HIVEP3: variants seen among roughly 807,000 people sequenced by gnomAD.
HIVEP3 encodes the protein HIVEP zinc finger 3.
HIVEP3 carries 49 observed loss-of-function variants against 152.8 expected under a neutral mutation model. The ratio of observed to expected loss-of-function variants is 0.32; its 90% CI spans 0.26 to 0.41. HIVEP3 has a LOEUF of 0.41. Ranked by LOEUF, HIVEP3 falls within the 10% of genes least tolerant of loss-of-function variation. The pLI, the probability that HIVEP3 is intolerant of heterozygous loss-of-function variation, is 1.00. For missense variants in HIVEP3, 2,790 were observed against 3,103.3 expected (o/e 0.90, Z 2.40); for synonymous variants, 1,269 against 1,289.0 (o/e 0.98, Z 0.33).
chr1:41,861,892 G>A (rs1643891342), intron 1 of HIVEP3, among the ~76,000 whole-genome samples: 1 of 152,208 alleles, frequency 6.6e-6, no homozygotes, highest in African/African-American at 2.4e-5. Flanking sequence ...CTTTTACAGT[G>A]TAGACCAGGC....
intron 2 of HIVEP3, among the ~76,000 whole-genome samples, chr1:41,699,280 C>T (rs926236457): frequency 1.3e-5 from 2 of 152,196 alleles, no homozygotes; most frequent in African/African-American, 2.4e-5. Context: ...ATGGTTCCAC[C>T]GCTCCTCAAA....
At chr1:41,730,593 T>C (rs1251546021) in intron 1 of HIVEP3, among the ~76,000 whole-genome samples, 1 of 152,244 alleles carries the variant, frequency 6.6e-6, no homozygotes, top group African/African-American at 2.4e-5. Context: ...CAGCAACTAA[T>C]GCACCAGGGG....
intron 1 of HIVEP3, among the ~76,000 whole-genome samples, chr1:41,932,421 G>A (rs1040634902): frequency 2.0e-5 from 3 of 151,784 alleles, no homozygotes; most frequent in South Asian, 2.1e-4. Context: ...TCTGTCCTTC[G>A]AGGAATTGAT....
At chr1:41,720,239 T>G (rs1212447247) in intron 1 of HIVEP3, among the ~76,000 whole-genome samples, 1 of 152,174 alleles carries the variant, frequency 6.6e-6, no homozygotes, top group Non-Finnish European at 1.5e-5. Context: ...CACCTCTGAG[T>G]GGGCCTCCAG....
chr1:41,545,033 C>CATCGCT (rs1643699751), intron 5 of HIVEP3, among the ~76,000 whole-genome samples: 4 of 91,112 alleles, frequency 4.4e-5, no homozygotes, highest in African/African-American at 1.4e-4. Context: ...CCACCACCAC[C>CATCGCT]ACCAATACCA....
chr1:41,740,695 G>A (rs879578012), intron 1 of HIVEP3, among the ~76,000 whole-genome samples: 8 of 152,206 alleles, frequency 5.3e-5, no homozygotes, highest in Non-Finnish European at 7.3e-5. Context: ...ACCAACGTGT[G>A]GGGGGACCCC....
chr1:41,787,131 C>A (rs1649395596), intron 1 of HIVEP3, among the ~76,000 whole-genome samples: 1 of 152,000 alleles, frequency 6.6e-6, no homozygotes. Flanking sequence ...TCCTTTAACT[C>A]AATATTCCAA....
At chr1:41,757,594 A>G (rs913449860) in intron 1 of HIVEP3, among the ~76,000 whole-genome samples, 4 of 151,938 alleles carry the variant, frequency 2.6e-5, no homozygotes, top group Non-Finnish European at 4.4e-5. Flanking sequence ...ACAACAACAA[A>G]ACCCAAAACA....
intron 3 of HIVEP3, among the ~76,000 whole-genome samples, chr1:41,589,069 C>T (rs1289304991): frequency 6.6e-6 from 1 of 152,210 alleles, no homozygotes; most frequent in African/African-American, 2.4e-5. Context: ...TTCTTTTCTA[C>T]CTTCTGTGGT....
chr1:41,756,308 G>A (rs1379891120), intron 1 of HIVEP3, among the ~76,000 whole-genome samples: 2 of 152,182 alleles, frequency 1.3e-5, no homozygotes, highest in Admixed American at 1.3e-4. Context: ...CTATAAAGAG[G>A]AGCAGTAAGA....
rs1642422714 is a variant in HIVEP3, at chr1:41,511,758, C to T, written c.6406-492G>A. Among the ~76,000 whole-genome samples the T allele has an allele frequency of 1.3e-5, 2 of 152,170 alleles. No homozygotes were observed. On this transcript the variant is annotated intron_variant, in intron 8 of 8. Coordinates refer to ENST00000372583, the MANE Select transcript of HIVEP3 (RefSeq NM_024503.5). This position sits in a 1 kb window ranked among gnomAD's most constrained non-coding sequence, Gnocchi z 4.9. ...GAAAGATTCCTAGATCAGTGTTCCTCCAGGAGTGACAGGGCTGGGTCATGG... is the reference window on the plus strand; with the variant it reads ...GAAAGATTCCTAGATCAGTGTTCCTTCAGGAGTGACAGGGCTGGGTCATGG...
At chr1:41,684,044 A>G (rs1334272048) in intron 2 of HIVEP3, among the ~76,000 whole-genome samples, 1 of 152,240 alleles carries the variant, frequency 6.6e-6, no homozygotes, top group Non-Finnish European at 1.5e-5. Context: ...CCTTTAAAAA[A>G]GACCTTTGCC....
chr1:41,546,644 A>G (rs1643810885), intron 5 of HIVEP3, among the ~76,000 whole-genome samples: 1 of 152,236 alleles, frequency 6.6e-6, no homozygotes, highest in Admixed American at 6.5e-5. Flanking sequence ...AGCCAAGACT[A>G]CAAACCTAGA....
At chr1:41,700,776 G>T in intron 2 of HIVEP3, 140 bp downstream of exon 2, 1 of 199,900 alleles carries the variant, frequency 5.0e-6, no homozygotes, top group Non-Finnish European at 9.0e-6. Flanking sequence ...TTCCTAAAGT[G>T]TCGGTAGCGT....
intron 1 of HIVEP3, among the ~76,000 whole-genome samples, chr1:41,794,904 C>T (rs1649899612): frequency 6.6e-6 from 1 of 152,140 alleles, no homozygotes; most frequent in Admixed American, 6.5e-5. Flanking sequence ...TCTCCATAAC[C>T]ATGGCACAGT....
chr1:41,945,970 G>C (rs1645072666), intron 1 of HIVEP3, among the ~76,000 whole-genome samples: 1 of 152,082 alleles, frequency 6.6e-6, no homozygotes, highest in South Asian at 2.1e-4. Context: ...TACTGAACTT[G>C]GCAACCTCAG....
At chr1:41,974,496 C>CAT (rs1211951318) in intron 1 of HIVEP3, among the ~76,000 whole-genome samples, 1 of 151,382 alleles carries the variant, frequency 6.6e-6, no homozygotes, top group Non-Finnish European at 1.5e-5. Context: ...TACACACACA[C>CAT]ACACACACAC....
At chr1:41,835,684 T>G (rs977180165) in intron 1 of HIVEP3, among the ~76,000 whole-genome samples, 1 of 152,278 alleles carries the variant, frequency 6.6e-6, no homozygotes, top group Admixed American at 6.5e-5. Flanking sequence ...TGGATGTAGA[T>G]CACGCTAATA....
intron 6 of HIVEP3, among the ~76,000 whole-genome samples, chr1:41,523,498 G>T (rs926047170): frequency 7.2e-5 from 11 of 152,150 alleles, no homozygotes; most frequent in African/African-American, 2.7e-4. Flanking sequence ...AGTTAATGGG[G>T]TGAGGAGACC....
Sources: allele counts gnomAD v4.1 joint callset (sites outside exome capture counted in the v4.1 genomes callset), GRCh38; gene constraint gnomAD v4.1.1; non-coding constraint Gnocchi (gnomAD v3.1); transcripts MANE v1.5; gene names NCBI Gene and HGNC (gene_info 2026-07-23, HGNC 2026-07-21).